The following CD28 variants were observed in gnomAD, a reference collection of about 807,000 sequenced individuals.
The protein encoded by CD28 is CD28 molecule.
A neutral mutation model predicts 21.4 loss-of-function variants in CD28; 8 were observed. The observed-to-expected ratio is 0.37, with a 90% CI of 0.22 to 0.68. The LOEUF is 0.68. Ranked by LOEUF, CD28 falls within the 30% of genes least tolerant of loss-of-function variation. The pLI is 0.55. For missense variants in CD28, 239 were observed against 272.2 expected (o/e 0.88, Z 0.86); for synonymous variants, 106 against 104.0 (o/e 1.02, Z -0.12).
At chr2:203,734,745 GA>G (rs1305670643) in intron 3 of CD28, 38 bp from the exon 4 acceptor site, 1 of 1,612,592 alleles carries the variant, frequency 6.2e-7, no homozygotes, top group East Asian at 2.2e-5. Context: ...CTCCTTCCAT[GA>G]CATTGTCCCT....
chr2:203,732,563 A>G (rs1693922177), intron 3 of CD28, among the ~76,000 whole-genome samples: 1 of 152,230 alleles, frequency 6.6e-6, no homozygotes, highest in Admixed American at 6.5e-5. Flanking sequence ...TACCTTGCAT[A>G]TGCCCTGTGT....
In CD28 at chr2:203,735,165, A is replaced by G. The variant is rs1385613068; in HGVS notation, c.*253A>G. ...CCACATTCCAACTTACCATGTACTTAGTGACTTGACTGAGAAGTTAGGGTA... is the reference window on the plus strand; with the variant it reads ...CCACATTCCAACTTACCATGTACTTGGTGACTTGACTGAGAAGTTAGGGTA... On this transcript the variant is annotated 3_prime_UTR_variant, in exon 4 of 4. Coordinates refer to ENST00000324106, the MANE Select transcript of CD28 (RefSeq NM_006139.4). 4.2e-6 allele frequency: 2 copies of G among 474,794 alleles called. No homozygotes were observed. Among genetic ancestry groups the G allele is most frequent in the Non-Finnish European group, 7.4e-6 (2 of 270,144 alleles). The allele number at this position is 474,794 out of a possible 1,614,324, so 29.4% of individuals were successfully genotyped here. A position where few individuals can be genotyped will look rare whatever the true frequency, so the allele number is the denominator to read the frequency against.
At chr2:203,724,537 C>T (rs1581510753) in intron 1 of CD28, among the ~76,000 whole-genome samples, 1 of 152,058 alleles carries the variant, frequency 6.6e-6, no homozygotes, top group African/African-American at 2.4e-5. Flanking sequence ...TGATATAAAG[C>T]CAGCAATGAT....
In CD28 at chr2:203,736,048, A is replaced by G. The variant is rs1272067676; in HGVS notation, c.*1136A>G. 2 of 152,258 alleles carry G rather than the reference A, an allele frequency of 1.3e-5. No homozygotes were observed. The highest frequency in any genetic ancestry group is 4.9e-5 in the African/African-American group (2 of 41,144). 9.4% of individuals were successfully genotyped at this position (152,258 alleles called of 1,614,324 possible). A position where few individuals can be genotyped will look rare whatever the true frequency, so the allele number is the denominator to read the frequency against. On this transcript the variant is annotated 3_prime_UTR_variant, in exon 4 of 4. Coordinates refer to ENST00000324106, the MANE Select transcript of CD28 (RefSeq NM_006139.4). ...CAACAACAACAACAACAAACCACAA[A>G]ATTATTTGAGTACTGTGAAGGATTA...
In CD28 at chr2:203,734,915, C is replaced by T. The variant is rs201673371; in HGVS notation, c.*3C>T. ...ACTTCGCAGCCTATCGCTCCTGACA[C>T]GGACGCCTATCCAGAAGCCAGCCGG... is the stretch of plus-strand genomic sequence containing the variant. On this transcript the variant is annotated 3_prime_UTR_variant, in exon 4 of 4. Transcript: ENST00000324106. 23 of 1,613,804 alleles carry T rather than the reference C, an allele frequency of 1.4e-5. No homozygotes were observed. The highest frequency in any genetic ancestry group is 8.3e-5 in the Admixed American group (5 of 59,990).
intron 2 of CD28, among the ~76,000 whole-genome samples, chr2:203,727,447 TTCC>T (rs1559555648): frequency 4.6e-5 from 7 of 151,610 alleles, no homozygotes; most frequent in Admixed American, 2.6e-4. Flanking sequence ...CCTTCCTTCC[TTCC>T]TTCCTTCCTT....
chr2:203,727,620 C>CA (rs1325899093), intron 2 of CD28, among the ~76,000 whole-genome samples: 2 of 58,852 alleles, frequency 3.4e-5, no homozygotes, highest in Non-Finnish European at 6.6e-5. Context: ...GCTGGGACTA[C>CA]AGGGCCCGCC....
At chr2:203,729,355 C>T (rs1174691454) in intron 2 of CD28, among the ~76,000 whole-genome samples, 1 of 152,102 alleles carries the variant, frequency 6.6e-6, no homozygotes, top group Non-Finnish European at 1.5e-5. Flanking sequence ...TAGGTTAAGG[C>T]CATTGGAAGT....
At chr2:203,711,772 G>T (rs1366438801) in intron 1 of CD28, among the ~76,000 whole-genome samples, 2 of 152,214 alleles carry the variant, frequency 1.3e-5, no homozygotes, top group Non-Finnish European at 2.9e-5. Flanking sequence ...CCTCGAAGAA[G>T]CTTCTGGATA....
At chr2:203,727,430 TTTCC>T (rs762878963) in intron 2 of CD28, among the ~76,000 whole-genome samples, 4,219 of 98,828 alleles carry the variant, frequency 0.043, 92 homozygotes, top group Admixed American at 0.062. Context: ...CCATTTTCTT[TTTCC>T]TTCCTTCCTT....
chr2:203,730,288 A>C (rs1693854231), intron 3 of CD28, among the ~76,000 whole-genome samples: 1 of 152,126 alleles, frequency 6.6e-6, no homozygotes, highest in South Asian at 2.1e-4. Context: ...GAATTGTGTG[A>C]GGCCAAGTAT....
chr2:203,710,153 T>C (rs1430263532), intron 1 of CD28, among the ~76,000 whole-genome samples: 1 of 152,230 alleles, frequency 6.6e-6, no homozygotes, highest in East Asian at 1.9e-4. Context: ...AATCAACAGA[T>C]TGCCGTATTT....
rs55976309 is a variant in CD28, at chr2:203,737,908, C to A, written c.*2996C>A. On this transcript the variant is annotated 3_prime_UTR_variant, in exon 4 of 4. Coordinates refer to ENST00000324106, the MANE Select transcript of CD28 (RefSeq NM_006139.4). ...AAGATATGCTTTCAGAATAGATATG[C>A]TTCGCTTTGGCAAGGAATTTGGATA... 29 of 152,406 alleles carry A rather than the reference C, an allele frequency of 1.9e-4. No individual in the cohort carries two copies. The highest frequency in any genetic ancestry group is 2.6e-4 in the Non-Finnish European group (18 of 68,034). 9.4% of individuals were successfully genotyped at this position (152,406 alleles called of 1,614,324 possible). A position where few individuals can be genotyped will look rare whatever the true frequency, so the allele number is the denominator to read the frequency against.
In CD28 at chr2:203,737,770, T is replaced by G. The variant is rs1694074988; in HGVS notation, c.*2858T>G. Reference sequence around the variant, plus strand: ...ACCTATTTGGGTTAAGCATGCCAATTTAAAGAGACCAAGTGTATGTACATT... The same window carrying G: ...ACCTATTTGGGTTAAGCATGCCAATGTAAAGAGACCAAGTGTATGTACATT... On this transcript the variant is annotated 3_prime_UTR_variant, in exon 4 of 4. Coordinates refer to ENST00000324106, the MANE Select transcript of CD28 (RefSeq NM_006139.4). 6.6e-6 allele frequency: 1 copy of G among 152,626 alleles called. No individual in the cohort carries two copies. The highest frequency in any genetic ancestry group is 2.4e-5 in the African/African-American group (1 of 41,442). 9.5% of individuals were successfully genotyped at this position (152,626 alleles called of 1,614,324 possible).
chr2:203,735,157 A>C lies in CD28; in HGVS notation c.*245A>C, dbSNP rs897791387. On this transcript the variant is annotated 3_prime_UTR_variant, in exon 4 of 4. Coordinates refer to ENST00000324106, the MANE Select transcript of CD28 (RefSeq NM_006139.4). ...GCCATGGCCCACATTCCAACTTACCATGTACTTAGTGACTTGACTGAGAAG... is the reference window on the plus strand; with the variant it reads ...GCCATGGCCCACATTCCAACTTACCCTGTACTTAGTGACTTGACTGAGAAG... The C allele has an allele frequency of 1.0e-5, 5 of 494,292 alleles. No homozygotes were observed. The highest frequency in any genetic ancestry group is 1.1e-5 in the Non-Finnish European group (3 of 280,850). 30.6% of individuals were successfully genotyped at this position (494,292 alleles called of 1,614,324 possible).
rs758207654 is a variant in CD28 at position 203,737,900 on chromosome 2, T to C, written c.*2988T>C. ...TATTAAGAAAGATATGCTTTCAGAA[T>C]AGATATGCTTCGCTTTGGCAAGGAA... On this transcript the variant is annotated 3_prime_UTR_variant, in exon 4 of 4. Coordinates refer to ENST00000324106, the MANE Select transcript of CD28 (RefSeq NM_006139.4). 6 of 152,500 alleles carry C rather than the reference T, an allele frequency of 3.9e-5. No individual in the cohort carries two copies. Among genetic ancestry groups the C allele is most frequent in the Non-Finnish European group, 8.8e-5 (6 of 68,034 alleles). The allele number at this position is 152,500 out of a possible 1,614,324, so 9.4% of individuals were successfully genotyped here. A position where few individuals can be genotyped will look rare whatever the true frequency, so the allele number is the denominator to read the frequency against.
At position 203,734,989 on chromosome 2, in the gene CD28, C is replaced by G; in HGVS notation, c.*77C>G. 1 of 1,538,158 alleles carries G rather than the reference C, an allele frequency of 6.5e-7. No individual in the cohort carries two copies. The highest frequency in any genetic ancestry group is 8.8e-7 in the Non-Finnish European group (1 of 1,138,496). On this transcript the variant is annotated 3_prime_UTR_variant, in exon 4 of 4. Transcript: ENST00000324106. Reference sequence around the variant, plus strand: ...ATCACTGCTCTGGATAGGAAATGACCGCCATCTCCAGCCGGCCACCTCAGG... The same window carrying G: ...ATCACTGCTCTGGATAGGAAATGACGGCCATCTCCAGCCGGCCACCTCAGG...
intron 1 of CD28, among the ~76,000 whole-genome samples, chr2:203,722,639 G>T (rs73048761): frequency 0.01 from 1,530 of 152,328 alleles, 28 homozygotes; most frequent in African/African-American, 0.035. Flanking sequence ...GAAACCAGGG[G>T]CCTAAGGGAA....
At chr2:203,710,299 T>A (rs1047611241) in intron 1 of CD28, among the ~76,000 whole-genome samples, 1 of 152,260 alleles carries the variant, frequency 6.6e-6, no homozygotes, top group Non-Finnish European at 1.5e-5. Flanking sequence ...TCTACTACCG[T>A]GCCCTAGTTA....
Sources: allele counts gnomAD v4.1 joint callset (sites outside exome capture counted in the v4.1 genomes callset), GRCh38; gene constraint gnomAD v4.1.1; transcripts MANE v1.5; gene names NCBI Gene and HGNC (gene_info 2026-07-23, HGNC 2026-07-21).